ADI1: variants seen among roughly 807,000 people sequenced by gnomAD.
ADI1 encodes the protein acireductone dioxygenase.
ADI1 carries 21 observed loss-of-function variants against 18.7 expected under a neutral mutation model. The observed-to-expected ratio is 1.13, with a 90% CI of 0.80 to 1.62. The LOEUF (loss-of-function observed/expected upper bound fraction) is 1.62, where lower values mean the gene tolerates loss of function less well. Among genes scored for constraint, ADI1 ranks in the 40% most tolerant of loss-of-function variants. The probability of loss-of-function intolerance (pLI) is 0.00; values close to 1 mark genes in which losing one functional copy is unlikely to be tolerated. For missense variants in ADI1, 245 were observed against 254.9 expected (o/e 0.96, Z 0.26); for synonymous variants, 90 against 100.1 (o/e 0.90, Z 0.60).
intron 2 of ADI1, among the ~76,000 whole-genome samples, chr2:3,504,616 C>T (rs2103205384): frequency 6.6e-6 from 1 of 152,344 alleles, no homozygotes; most frequent in African/African-American, 2.4e-5. Flanking sequence ...TGAACAATTT[C>T]CACATCCTTA....
At chr2:3,518,983 A>AC (rs1433739852) in intron 1 of ADI1, among the ~76,000 whole-genome samples, 3 of 148,234 alleles carry the variant, frequency 2.0e-5, no homozygotes, top group Non-Finnish European at 3.0e-5. Context: ...CGGACCGCCG[A>AC]CCCCCACCAG....
intron 2 of ADI1, among the ~76,000 whole-genome samples, chr2:3,504,141 C>T (rs1399956552): frequency 2.6e-5 from 4 of 152,248 alleles, no homozygotes; most frequent in Admixed American, 6.5e-5. Context: ...TGACGGACGC[C>T]GATTTCACCC....
chr2:3,510,040 G>A (rs1667264501), intron 2 of ADI1, among the ~76,000 whole-genome samples: 1 of 151,942 alleles, frequency 6.6e-6, no homozygotes, highest in Non-Finnish European at 1.5e-5. Flanking sequence ...CTACTCAGGA[G>A]GCTGAGGCAG....
At chr2:3,512,694 G>C (rs79149687) in intron 2 of ADI1, among the ~76,000 whole-genome samples, 3 of 152,220 alleles carry the variant, frequency 2.0e-5, no homozygotes, top group Non-Finnish European at 4.4e-5. Flanking sequence ...GTCTGTTGCA[G>C]GGTAGAAACC....
chr2:3,499,009 A>T lies in ADI1; in HGVS notation c.494T>A (p.Phe165Tyr). Residue 165 changes from phenylalanine to tyrosine, a missense_variant, in exon 4 of 4, where the codon TTT becomes TAT. By Grantham distance (22) the Phe-to-Tyr change is conservative. Transcript: ENST00000327435. ...TTTCACGTACTGCCCGCGGGCTTCA[A>T]AATGGTCAGCGGGCCGGTTGTACGC... ...WTAYNRPADHFEARGQYVKFL... is the reference protein window; with the variant it reads ...WTAYNRPADHYEARGQYVKFL... 1 of 1,614,048 alleles carries T rather than the reference A, an allele frequency of 6.2e-7. No homozygotes were observed.
At chr2:3,508,289 C>T (rs1373647797) in intron 2 of ADI1, among the ~76,000 whole-genome samples, 45 of 129,400 alleles carry the variant, frequency 3.5e-4, no homozygotes, top group African/African-American at 1.1e-3. Context: ...GAGCCAAGAT[C>T]GTGCCACTGC....
chr2:3,517,762 A>AG, intron 1 of ADI1: 1 of 152,272 alleles, frequency 6.6e-6, no homozygotes, highest in East Asian at 1.9e-4. Context: ...GCAAAAAAAA[A>AG]AAAGAAAGGA....
intron 2 of ADI1, among the ~76,000 whole-genome samples, chr2:3,510,708 G>A (rs181513325): frequency 6.6e-6 from 1 of 152,128 alleles, no homozygotes; most frequent in African/African-American, 2.4e-5. Flanking sequence ...AATGCCTTGA[G>A]AGAAACAAAC....
intron 2 of ADI1, among the ~76,000 whole-genome samples, chr2:3,512,792 G>C (rs1477949701): frequency 6.6e-6 from 1 of 152,196 alleles, no homozygotes; most frequent in Non-Finnish European, 1.5e-5. Flanking sequence ...CACTGCCTAG[G>C]AGCTGTGGGA....
At position 3,498,117 on chromosome 2, in the gene ADI1, T is replaced by C. The variant is rs1666906503; in HGVS notation, c.*846A>G. 1 of 152,104 alleles carries C rather than the reference T, an allele frequency of 6.6e-6. No individual in the cohort carries two copies. Among genetic ancestry groups the C allele is most frequent in the African/African-American group, 2.4e-5 (1 of 41,416 alleles). 9.4% of individuals were successfully genotyped at this position (152,104 alleles called of 1,614,324 possible). A position where few individuals can be genotyped will look rare whatever the true frequency, so the allele number is the denominator to read the frequency against. On this transcript the variant is annotated 3_prime_UTR_variant, in exon 4 of 4. Transcript: ENST00000327435. ...AAGAAAATTAATCCTAACATGAAGA[T>C]TTTTCATCCAGTTAAAAAAAGAAAT...
At chr2:3,518,167 G>A (rs1667449733) in intron 1 of ADI1, among the ~76,000 whole-genome samples, 1 of 152,206 alleles carries the variant, frequency 6.6e-6, no homozygotes, top group South Asian at 2.1e-4. Flanking sequence ...CCTAGGAAAA[G>A]ACAAATACTA....
chr2:3,507,847 AAAAT>A (rs1159519407), intron 2 of ADI1, among the ~76,000 whole-genome samples: 3 of 152,218 alleles, frequency 2.0e-5, no homozygotes, highest in African/African-American at 7.2e-5. Flanking sequence ...TATGGAGAAT[AAAAT>A]AAATAACAGC....
intron 2 of ADI1, among the ~76,000 whole-genome samples, chr2:3,509,973 G>A (rs189912070): frequency 7.2e-5 from 11 of 152,032 alleles, no homozygotes; most frequent in African/African-American, 2.2e-4. Context: ...GAGAAACCCC[G>A]TATCTACTAA....
chr2:3,511,306 CCTGAAGAA>C (rs1307031476), intron 2 of ADI1, among the ~76,000 whole-genome samples: 3 of 151,888 alleles, frequency 2.0e-5, no homozygotes, highest in Non-Finnish European at 4.4e-5. Context: ...TCCTGTACAG[CCTGAAGAA>C]CTGAGATGCA....
chr2:3,509,004 G>A (rs1352696918), intron 2 of ADI1, among the ~76,000 whole-genome samples: 1 of 116,916 alleles, frequency 8.6e-6, no homozygotes, highest in East Asian at 2.9e-4. Context: ...AAGAAGGAAG[G>A]AAGGGAGGGA....
At chr2:3,513,817 T>A (rs372352173) in intron 2 of ADI1, 40 bp downstream of exon 2, 88 of 1,568,860 alleles carry the variant, frequency 5.6e-5, no homozygotes, top group Non-Finnish European at 7.2e-5. Flanking sequence ...GTAGTGAATA[T>A]AATGATACTT....
intron 2 of ADI1, among the ~76,000 whole-genome samples, chr2:3,508,729 C>A (rs1351145343): frequency 6.6e-6 from 1 of 152,040 alleles, no homozygotes; most frequent in Non-Finnish European, 1.5e-5. Context: ...TAGGGAGACC[C>A]CACCTCTATG....
chr2:3,498,988 A>G lies in ADI1; in HGVS notation c.515T>C (p.Val172Ala), dbSNP rs1378804031. Residue 172 changes from valine to alanine, a missense_variant, in exon 4 of 4, where the codon GTG (valine) becomes GCG (alanine). Val to Ala is a moderately conservative substitution (Grantham distance 64). Coordinates refer to ENST00000327435, the MANE Select transcript of ADI1 (RefSeq NM_018269.4). ...ADHFEARGQYVKFLAQTA is the reference protein window; with the variant it reads ...ADHFEARGQYAKFLAQTA ...CTAGGCGGTCTGTGCCAGAAATTTC[A>G]CGTACTGCCCGCGGGCTTCAAAATG... is the stretch of plus-strand genomic sequence containing the variant. 6 of 1,613,434 alleles carry G rather than the reference A, an allele frequency of 3.7e-6. No individual in the cohort carries two copies. Among genetic ancestry groups the G allele is most frequent in the Non-Finnish European group, 5.1e-6 (6 of 1,179,406 alleles).
At chr2:3,519,341 C>G in intron 1 of ADI1, 27 bp downstream of exon 1, 1 of 1,396,456 alleles carries the variant, frequency 7.2e-7, no homozygotes, top group Non-Finnish European at 9.3e-7. Flanking sequence ...GTCGCCCGCA[C>G]GCTCTGCGAG....
Sources: gnomAD v4.1 joint callset for allele counts (sites outside exome capture counted in the v4.1 genomes callset) on GRCh38, gnomAD v4.1.1 for gene constraint, MANE v1.5 for transcripts, NCBI Gene and HGNC (gene_info 2026-07-23, HGNC 2026-07-21) for gene names.